The following TRAPPC9 variants were observed in gnomAD, a reference collection of about 807,000 sequenced individuals.
The protein encoded by TRAPPC9 is IKK2 binding protein.
TRAPPC9 carries 83 observed loss-of-function variants against 124.0 expected under a neutral mutation model. The observed-to-expected ratio is 0.67, with a 90% CI of 0.56 to 0.80. The LOEUF is 0.80. Ranked by LOEUF, TRAPPC9 falls within the 30% of genes least tolerant of loss-of-function variation. TRAPPC9 has a pLI of 0.00. For synonymous variants in TRAPPC9, 638 were observed against 617.5 expected, an observed-to-expected ratio of 1.03 and a Z score of -0.49; for missense variants, 1,302 against 1,508.3, an observed-to-expected ratio of 0.86 and a Z score of 2.27.
intron 17 of TRAPPC9, among the ~76,000 whole-genome samples, chr8:140,156,762 G>A (rs116354881): frequency 0.01 from 1,584 of 152,286 alleles, 32 homozygotes; most frequent in African/African-American, 0.037. Context: ...ACAATATGAG[G>A]GCTGTCAGAG....
At chr8:139,974,447 G>T (rs1836306450) in intron 19 of TRAPPC9, among the ~76,000 whole-genome samples, 1 of 152,152 alleles carries the variant, frequency 6.6e-6, no homozygotes, top group Non-Finnish European at 1.5e-5. Context: ...TACATTAAGT[G>T]CCCACCACAG....
At chr8:140,157,815 C>T (rs1370253556) in intron 17 of TRAPPC9, among the ~76,000 whole-genome samples, 1 of 151,918 alleles carries the variant, frequency 6.6e-6, no homozygotes, top group Non-Finnish European at 1.5e-5. Flanking sequence ...CAGAAATAAC[C>T]CTTGTTAACA....
chr8:140,310,374 C>T (rs529215822), intron 10 of TRAPPC9, among the ~76,000 whole-genome samples: 1 of 152,278 alleles, frequency 6.6e-6, no homozygotes, highest in African/African-American at 2.4e-5. Context: ...GCATCTTCAT[C>T]ACACTGAATC....
chr8:139,887,053 A>G (rs1587100616), intron 20 of TRAPPC9, among the ~76,000 whole-genome samples: 1 of 152,118 alleles, frequency 6.6e-6, no homozygotes, highest in Non-Finnish European at 1.5e-5. Flanking sequence ...CCCCTCATCA[A>G]TGGTCCAATG....
intron 21 of TRAPPC9, among the ~76,000 whole-genome samples, chr8:139,738,201 G>A (rs1004126580): frequency 6.6e-6 from 1 of 152,196 alleles, no homozygotes; most frequent in Non-Finnish European, 1.5e-5. Flanking sequence ...GGGCTCCTGT[G>A]CCCACGGCAG....
chr8:139,886,595 A>G (rs1038289134), intron 20 of TRAPPC9, among the ~76,000 whole-genome samples: 1 of 152,244 alleles, frequency 6.6e-6, no homozygotes, highest in Non-Finnish European at 1.5e-5. Context: ...CTTTTCCTAC[A>G]TAAGTTAAAG....
At chr8:140,141,722 C>A (rs1263877920) in intron 17 of TRAPPC9, among the ~76,000 whole-genome samples, 1 of 152,146 alleles carries the variant, frequency 6.6e-6, no homozygotes, top group Non-Finnish European at 1.5e-5. Flanking sequence ...GAAGCAGGAA[C>A]AACAGATCTT....
chr8:140,283,969 C>T lies in TRAPPC9; in HGVS notation c.2034G>A (p.Leu678=). ...GVFSDCLLDN[L]PGIKTSGSTV... is the part of the protein sequence containing the mutation. ...TGGAGCCACTGGTTTTTATTCCCGG[C>T]AGGTTATCCAGCAAACAGTCACTGA... The change falls in exon 14 of 23, where the codon CTG becomes CTA. Residue 678 remains leucine, a synonymous_variant. Coordinates refer to ENST00000438773, the MANE Select transcript of TRAPPC9 (RefSeq NM_001160372.4). 1.2e-6 allele frequency: 2 copies of T among 1,614,140 alleles called. No individual in the cohort carries two copies. Among genetic ancestry groups the T allele is most frequent in the Non-Finnish European group, 1.7e-6 (2 of 1,180,030 alleles).
intron 19 of TRAPPC9, among the ~76,000 whole-genome samples, chr8:139,918,353 G>A (rs1832279596): frequency 6.6e-6 from 1 of 152,218 alleles, no homozygotes; most frequent in Non-Finnish European, 1.5e-5. Flanking sequence ...CTCCCAGGGA[G>A]GGAACCTGCG....
intron 17 of TRAPPC9, among the ~76,000 whole-genome samples, chr8:140,044,367 T>C: frequency 6.6e-6 from 1 of 151,994 alleles, no homozygotes; most frequent in African/African-American, 2.4e-5. Flanking sequence ...TGGCCACTGT[T>C]CCCCTACAAC....
intron 21 of TRAPPC9, among the ~76,000 whole-genome samples, chr8:139,834,445 A>G (rs1345843368): frequency 3.3e-5 from 5 of 152,192 alleles, no homozygotes; most frequent in African/African-American, 4.8e-5. Flanking sequence ...CACAACTGAG[A>G]GACAGAGCTG....
intron 21 of TRAPPC9, among the ~76,000 whole-genome samples, chr8:139,763,654 ATGCACACACATGCACGCACGCG>A (rs1820387069): frequency 6.6e-6 from 1 of 152,122 alleles, no homozygotes; most frequent in Non-Finnish European, 1.5e-5. Context: ...ACACAGGCAC[ATGCACACACATGCACGCACGCG>A]TGCACACACA....
At chr8:139,978,722 G>C (rs1836661782) in intron 19 of TRAPPC9, among the ~76,000 whole-genome samples, 1 of 152,180 alleles carries the variant, frequency 6.6e-6, no homozygotes, top group South Asian at 2.1e-4. Context: ...TCTGTGCCAG[G>C]CTACCCTCTG....
chr8:140,070,793 G>A (rs1004103349), intron 17 of TRAPPC9, among the ~76,000 whole-genome samples: 1 of 152,178 alleles, frequency 6.6e-6, no homozygotes, highest in Admixed American at 6.5e-5. Context: ...CCATCAGCAG[G>A]CCCAGGAAAC....
chr8:139,891,603 G>A (rs1830349025), intron 20 of TRAPPC9, among the ~76,000 whole-genome samples: 2 of 152,228 alleles, frequency 1.3e-5, no homozygotes, highest in Non-Finnish European at 2.9e-5. Flanking sequence ...GGTGGCCACG[G>A]GCCAGGTGGG....
chr8:139,912,383 G>C (rs1831801384), intron 19 of TRAPPC9, among the ~76,000 whole-genome samples: 1 of 152,012 alleles, frequency 6.6e-6, no homozygotes, highest in Admixed American at 6.6e-5. Context: ...CCTACAGAAT[G>C]GTTCTCCTAT....
chr8:139,941,156 C>T (rs943121425), intron 19 of TRAPPC9, among the ~76,000 whole-genome samples: 5 of 152,328 alleles, frequency 3.3e-5, no homozygotes, highest in East Asian at 1.9e-4. Context: ...TGGGCAGGCA[C>T]GATTGGCTAG....
intron 20 of TRAPPC9, among the ~76,000 whole-genome samples, chr8:139,902,748 C>T (rs1267179861): frequency 2.0e-5 from 3 of 152,162 alleles, no homozygotes; most frequent in Non-Finnish European, 4.4e-5. Context: ...CTTTGAGAGG[C>T]CGAAGGGTGG....
chr8:139,941,427 G>A (rs1325952214), intron 19 of TRAPPC9, among the ~76,000 whole-genome samples: 1 of 152,224 alleles, frequency 6.6e-6, no homozygotes, highest in Admixed American at 6.5e-5. Flanking sequence ...ACTGTAGGAA[G>A]AGGCTGTGCT....
Sources: allele counts gnomAD v4.1 joint callset (sites outside exome capture counted in the v4.1 genomes callset), GRCh38; gene constraint gnomAD v4.1.1; transcripts MANE v1.5; gene names NCBI Gene and HGNC (gene_info 2026-07-23, HGNC 2026-07-21).